ANXA2: variants seen among roughly 807,000 people sequenced by gnomAD.
The protein encoded by ANXA2 is annexin II.
A neutral mutation model predicts 47.3 loss-of-function variants in ANXA2; 28 were observed. The ratio of observed to expected loss-of-function variants is 0.59; its 90% CI spans 0.44 to 0.81. The LOEUF (loss-of-function observed/expected upper bound fraction) is 0.81, where lower values mean the gene tolerates loss of function less well. Ranked by LOEUF, ANXA2 falls within the 40% of genes least tolerant of loss-of-function variation. The pLI is 0.00. For synonymous variants in ANXA2, 172 were observed against 155.5 expected, an observed-to-expected ratio of 1.11 and a Z score of -0.79; for missense variants, 384 against 414.3, an observed-to-expected ratio of 0.93 and a Z score of 0.64.
At chr15:60,389,843 T>C (rs1230226680) in intron 1 of ANXA2, among the ~76,000 whole-genome samples, 1 of 152,222 alleles carries the variant, frequency 6.6e-6, no homozygotes, top group Non-Finnish European at 1.5e-5. Flanking sequence ...CTTCAGTATC[T>C]GCTCCAACAG....
At chr15:60,351,297 C>T in intron 10 of ANXA2, 46 bp from the exon 11 acceptor site, 1 of 1,592,282 alleles carries the variant, frequency 6.3e-7, no homozygotes, top group Non-Finnish European at 8.6e-7. Context: ...GCTCTGGTCT[C>T]TCCTCTACCA....
At chr15:60,355,768 C>G in intron 7 of ANXA2, 151 bp downstream of exon 7, 1 of 740,304 alleles carries the variant, frequency 1.4e-6, no homozygotes, top group South Asian at 1.5e-5. Flanking sequence ...ATTGACAACT[C>G]TGCAGTGACA....
intron 1 of ANXA2, among the ~76,000 whole-genome samples, chr15:60,389,064 C>G (rs1458756114): frequency 1.3e-5 from 2 of 152,134 alleles, no homozygotes; most frequent in Non-Finnish European, 2.9e-5. Context: ...AGAGGTGAAA[C>G]TCCTAGGATG....
At chr15:60,386,997 T>G (rs562535922) in intron 1 of ANXA2, 2 of 152,348 alleles carry the variant, frequency 1.3e-5, no homozygotes, top group South Asian at 2.1e-4. Flanking sequence ...TGCTTAATAT[T>G]CTTTGATCAA....
chr15:60,390,449 C>T (rs1393568772), intron 1 of ANXA2: 13 of 512,054 alleles, frequency 2.5e-5, no homozygotes, highest in African/African-American at 3.9e-5. Context: ...GGCACAATAC[C>T]AGGACTCCCT....
chr15:60,380,154 T>C (rs796092567), intron 3 of ANXA2, among the ~76,000 whole-genome samples: 18 of 152,326 alleles, frequency 1.2e-4, no homozygotes, highest in African/African-American at 4.1e-4. Context: ...GTGCATGTGC[T>C]TGTACGTGTG....
chr15:60,385,865 G>A (rs763802577), intron 2 of ANXA2, 163 bp downstream of exon 2: 2 of 525,580 alleles, frequency 3.8e-6, no homozygotes, highest in South Asian at 3.2e-5. Context: ...CCTTCAAATT[G>A]AACTACTAGG....
chr15:60,355,722 T>C (rs1371098454), intron 7 of ANXA2, 197 bp downstream of exon 7: 1 of 644,750 alleles, frequency 1.6e-6, no homozygotes, highest in Non-Finnish European at 2.9e-6. Flanking sequence ...CACTTGTCCA[T>C]GAGGTTTTGC....
At chr15:60,363,233 T>C (rs1275098445) in intron 4 of ANXA2, among the ~76,000 whole-genome samples, 1 of 151,968 alleles carries the variant, frequency 6.6e-6, no homozygotes, top group African/African-American at 2.4e-5. Flanking sequence ...AATAAAACAC[T>C]CCCCTCTATG....
chr15:60,354,029 T>C (rs1196642634), intron 8 of ANXA2, 125 bp downstream of exon 8: 1 of 667,268 alleles, frequency 1.5e-6, no homozygotes, highest in Non-Finnish European at 2.5e-6. Context: ...TGAGAAATAA[T>C]ACATGTTTGT....
chr15:60,385,725 T>G (rs990439944), intron 2 of ANXA2: 2 of 285,170 alleles, frequency 7.0e-6, no homozygotes, highest in African/African-American at 4.4e-5. Flanking sequence ...TTAAAAGTCA[T>G]GTACCATCAT....
intron 2 of ANXA2, 75 bp from the exon 3 acceptor site, chr15:60,382,516 GTT>G: frequency 9.4e-7 from 1 of 1,066,306 alleles, no homozygotes; most frequent in Non-Finnish European, 1.4e-6. Context: ...TGCCTAATAT[GTT>G]TTCCTATTGT....
At chr15:60,390,719 C>G (rs768965429) in intron 1 of ANXA2, 1 of 186,488 alleles carries the variant, frequency 5.4e-6, no homozygotes, top group Non-Finnish European at 1.1e-5. Context: ...ACAATAAAAT[C>G]TTGAGGTTAT....
chr15:60,357,619 C>A (rs993790131), intron 5 of ANXA2, among the ~76,000 whole-genome samples: 2 of 152,096 alleles, frequency 1.3e-5, no homozygotes, highest in African/African-American at 4.8e-5. Context: ...CAGTGAAACC[C>A]CATCTCTACT....
intron 8 of ANXA2, among the ~76,000 whole-genome samples, chr15:60,353,905 C>T (rs756015005): frequency 1.3e-5 from 2 of 152,180 alleles, no homozygotes; most frequent in African/African-American, 4.8e-5. Context: ...TCCCTTGACC[C>T]AGTCAAGCCC....
chr15:60,381,920 G>A (rs1165819765), intron 3 of ANXA2, among the ~76,000 whole-genome samples: 12 of 151,814 alleles, frequency 7.9e-5, no homozygotes, highest in Admixed American at 1.3e-4. Flanking sequence ...GACCAGATCC[G>A]GCTCCCAGAC....
intron 3 of ANXA2, among the ~76,000 whole-genome samples, chr15:60,371,199 T>G (rs560537639): frequency 6.6e-6 from 1 of 152,284 alleles, no homozygotes; most frequent in Non-Finnish European, 1.5e-5. Flanking sequence ...CAACAATATT[T>G]TCAACACCTG....
chr15:60,381,205 C>T (rs1324502426), intron 3 of ANXA2, among the ~76,000 whole-genome samples: 1 of 152,078 alleles, frequency 6.6e-6, no homozygotes, highest in Non-Finnish European at 1.5e-5. Flanking sequence ...TTCAACGAAC[C>T]GTATGTGAAC....
At chr15:60,384,354 A>G (rs2062905018) in intron 2 of ANXA2, 1 of 152,216 alleles carries the variant, frequency 6.6e-6, no homozygotes, top group South Asian at 2.1e-4. Flanking sequence ...GTGTCATTTT[A>G]TAGTGTCTCT....
Sources: gnomAD v4.1 joint callset for allele counts (sites outside exome capture counted in the v4.1 genomes callset) on GRCh38, gnomAD v4.1.1 for gene constraint, MANE v1.5 for transcripts, NCBI Gene and HGNC (gene_info 2026-07-23, HGNC 2026-07-21) for gene names.